Variants in NCOR1 observed in about 807,000 individuals in gnomAD.
The protein encoded by NCOR1 is protein phosphatase 1, regulatory subunit 109.
A neutral mutation model predicts 288.1 loss-of-function variants in NCOR1; 63 were observed. That is an observed-to-expected ratio of 0.22 (90% CI 0.18 to 0.27). NCOR1 has a LOEUF of 0.27. Among genes scored for constraint, NCOR1 ranks in the 10% least tolerant of loss-of-function variants. NCOR1 has a pLI of 1.00. For synonymous variants in NCOR1, 1,007 were observed against 1,065.9 expected (o/e 0.94, Z 1.08); for missense variants, 2,397 against 3,019.2 (o/e 0.79, Z 4.83).
Position 16,152,100 on chromosome 17 carries a change from G to A in NCOR1, c.790-102C>T, listed in dbSNP as rs80211720. Reference sequence around the variant, plus strand: ...TGTAAGCACAGGTAAAGTACTAATGGATCTACACAATAACATGCCCTACCA... The same window carrying A: ...TGTAAGCACAGGTAAAGTACTAATGAATCTACACAATAACATGCCCTACCA... On this transcript the variant is annotated intron_variant, in intron 7 of 45. Transcript: ENST00000268712. 1,012 of 693,346 alleles carry A rather than the reference G, an allele frequency of 1.5e-3. 10 individuals are homozygous for A. In the African/African-American group the frequency reaches 0.017, roughly 12 times the overall value. The allele number at this position is 693,346 out of a possible 1,614,324, so 42.9% of individuals were successfully genotyped here.
At chr17:16,064,632 A>C (rs758226604) in intron 34 of NCOR1, among the ~76,000 whole-genome samples, 1 of 152,090 alleles carries the variant, frequency 6.6e-6, no homozygotes, top group African/African-American at 2.4e-5. Flanking sequence ...AAACAAGAAA[A>C]GAGAAAAAGA....
intron 6 of NCOR1, among the ~76,000 whole-genome samples, chr17:16,155,513 A>G (rs538197367): frequency 6.6e-6 from 1 of 152,284 alleles, no homozygotes; most frequent in African/African-American, 2.4e-5. Context: ...CTGATAGGGT[A>G]AAATCAAATT....
chr17:16,073,097 A>G (rs541436016), intron 28 of NCOR1, among the ~76,000 whole-genome samples: 12 of 152,334 alleles, frequency 7.9e-5, no homozygotes, highest in African/African-American at 2.9e-4. Flanking sequence ...TTCTCATAAT[A>G]AACTTTACCT....
chr17:16,069,277 A>G (rs2152709687), intron 31 of NCOR1, among the ~76,000 whole-genome samples: 1 of 152,222 alleles, frequency 6.6e-6, no homozygotes, highest in African/African-American at 2.4e-5. Flanking sequence ...TTCCCTCTGC[A>G]GGGCAATTCG....
At chr17:16,113,260 A>C (rs931197524) in intron 18 of NCOR1, among the ~76,000 whole-genome samples, 1 of 152,034 alleles carries the variant, frequency 6.6e-6, no homozygotes, top group African/African-American at 2.4e-5. Flanking sequence ...CCAAAAAAAA[A>C]AAAATGACTT....
intron 1 of NCOR1, among the ~76,000 whole-genome samples, chr17:16,212,440 A>C (rs1294005856): frequency 1.3e-5 from 2 of 152,204 alleles, no homozygotes; most frequent in East Asian, 3.8e-4. Context: ...ATGAATCTCT[A>C]ATCTACAAAT....
At chr17:16,034,698 G>C (rs1567617394) in intron 45 of NCOR1, 67 bp downstream of exon 45, 1 of 1,375,754 alleles carries the variant, frequency 7.3e-7, no homozygotes, top group African/African-American at 1.5e-5. Context: ...GAATTTTGAA[G>C]AACTAATAAC....
At chr17:16,195,904 T>C (rs1266880914) in intron 1 of NCOR1, among the ~76,000 whole-genome samples, 3 of 152,116 alleles carry the variant, frequency 2.0e-5, no homozygotes, top group African/African-American at 7.2e-5. Context: ...AATTAATATG[T>C]ATTTTACATA....
At chr17:16,122,119 A>G (rs2073136000) in intron 15 of NCOR1, among the ~76,000 whole-genome samples, 1 of 152,222 alleles carries the variant, frequency 6.6e-6, no homozygotes, top group African/African-American at 2.4e-5. Flanking sequence ...CGTCTCAGGC[A>G]TGTAGAAACA....
intron 1 of NCOR1, among the ~76,000 whole-genome samples, chr17:16,202,757 C>A (rs1272886213): frequency 6.6e-6 from 1 of 152,108 alleles, no homozygotes; most frequent in Non-Finnish European, 1.5e-5. Context: ...TCTGCTGCTG[C>A]CTCCCCTTTG....
chr17:16,122,306 T>A (rs2073166067), intron 15 of NCOR1, among the ~76,000 whole-genome samples: 1 of 152,252 alleles, frequency 6.6e-6, no homozygotes, highest in African/African-American at 2.4e-5. Flanking sequence ...TGGAAGATGC[T>A]GATTTTTTTC....
At chr17:16,032,598 A>G (rs1217913675) in intron 45 of NCOR1, 115 bp from the exon 46 acceptor site, 2 of 984,100 alleles carry the variant, frequency 2.0e-6, no homozygotes, top group Non-Finnish European at 2.9e-6. Flanking sequence ...ATGTGACACC[A>G]TGAAAGCAAA....
chr17:16,188,351 C>A (rs914303070), intron 2 of NCOR1, among the ~76,000 whole-genome samples: 7 of 152,132 alleles, frequency 4.6e-5, no homozygotes, highest in Non-Finnish European at 8.8e-5. Context: ...GTGGCTCATG[C>A]CTGTAATCCC....
chr17:16,140,975 A>G (rs2077063351), intron 11 of NCOR1, among the ~76,000 whole-genome samples: 1 of 148,684 alleles, frequency 6.7e-6, no homozygotes, highest in Admixed American at 6.8e-5. Flanking sequence ...TGGGTGACAG[A>G]GTAAGACCCT....
In NCOR1 at chr17:16,077,625, G is replaced by A. The variant is rs550052637; in HGVS notation, c.3502-1923C>T. ...GGAAAAGAAAAGGAAGGGAGGAAGG[G>A]AGGAAGGGAAAAGAAAAGAGAAAAG... On this transcript the variant is annotated intron_variant, in intron 26 of 45. Coordinates refer to ENST00000268712, the MANE Select transcript of NCOR1 (RefSeq NM_006311.4). Among the ~76,000 whole-genome samples the A allele has an allele frequency of 6.0e-5, 9 of 149,188 alleles. No individual in the cohort carries two copies. In the South Asian group the frequency reaches 2.0e-3, roughly 32 times the overall value.
At chr17:16,150,757 C>T (rs556210928) in intron 8 of NCOR1, among the ~76,000 whole-genome samples, 1 of 151,410 alleles carries the variant, frequency 6.6e-6, no homozygotes, top group African/African-American at 2.4e-5. Flanking sequence ...TGCTCTTCTA[C>T]TCTTTAAAAA....
At chr17:16,142,851 T>C (rs2077345635) in intron 11 of NCOR1, among the ~76,000 whole-genome samples, 1 of 152,226 alleles carries the variant, frequency 6.6e-6, no homozygotes, top group South Asian at 2.1e-4. Context: ...ACCTGTTTCA[T>C]AATTTTATTA....
intron 27 of NCOR1, among the ~76,000 whole-genome samples, chr17:16,074,223 TA>T (rs1038814471): frequency 6.6e-6 from 1 of 152,070 alleles, no homozygotes; most frequent in African/African-American, 2.4e-5. Context: ...GGAGGGGTTA[TA>T]AAGCTAAGGT....
At chr17:16,198,756 T>C (rs918454750) in intron 1 of NCOR1, 1 of 152,024 alleles carries the variant, frequency 6.6e-6, no homozygotes, top group Non-Finnish European at 1.5e-5. Context: ...TTTCACTATA[T>C]GAACATTCAT....
Sources: gnomAD v4.1 joint callset for allele counts (sites outside exome capture counted in the v4.1 genomes callset) on GRCh38, gnomAD v4.1.1 for gene constraint, MANE v1.5 for transcripts, NCBI Gene and HGNC (gene_info 2026-07-23, HGNC 2026-07-21) for gene names.